Variants in ARNT observed in about 807,000 individuals in gnomAD.
ARNT encodes the protein aryl hydrocarbon receptor nuclear translocator, also known as class E basic helix-loop-helix protein 2.
Under a neutral mutation model 105.0 loss-of-function variants are expected in ARNT, and 30 were observed. The ratio of observed to expected loss-of-function variants is 0.29; its 90% confidence interval spans 0.21 to 0.39. ARNT has a LOEUF of 0.39. Ranked by LOEUF, ARNT falls within the 10% of genes least tolerant of loss-of-function variation. ARNT has a pLI of 1.00. For synonymous variants in ARNT, 304 were observed against 344.0 expected, an observed-to-expected ratio of 0.88 and a Z score of 1.29; for missense variants, 748 against 978.7, an observed-to-expected ratio of 0.76 and a Z score of 3.15.
At chr1:150,818,764 C>CAAAG (rs1489346249) in intron 14 of ARNT, among the ~76,000 whole-genome samples, 1 of 151,374 alleles carries the variant, frequency 6.6e-6, no homozygotes, top group African/African-American at 2.4e-5. Context: ...AACAAACAAA[C>CAAAG]AAACAAATCC....
At chr1:150,835,820 A>G (rs1430160476) in intron 7 of ARNT, among the ~76,000 whole-genome samples, 1 of 66,078 alleles carries the variant, frequency 1.5e-5, no homozygotes, top group Non-Finnish European at 3.5e-5. Flanking sequence ...AACAGTACAG[A>G]TACAAACAAC....
chr1:150,867,706 G>T (rs771356459), intron 1 of ARNT, among the ~76,000 whole-genome samples: 49 of 152,140 alleles, frequency 3.2e-4, no homozygotes, highest in Admixed American at 1.5e-3. Context: ...CAGTGTTGAA[G>T]GTGCAGTCTG....
intron 13 of ARNT, among the ~76,000 whole-genome samples, chr1:150,824,412 C>G (rs972395232): frequency 7.9e-5 from 12 of 151,030 alleles, no homozygotes; most frequent in Non-Finnish European, 8.9e-5. Context: ...CTCTTCAATC[C>G]TATTTTTTCC....
At chr1:150,851,137 C>G (rs1040334227) in intron 3 of ARNT, among the ~76,000 whole-genome samples, 4 of 151,322 alleles carry the variant, frequency 2.6e-5, no homozygotes, top group Admixed American at 2.6e-4. Context: ...GGCAGCCGCC[C>G]CGTCCGGGAG....
intron 20 of ARNT, among the ~76,000 whole-genome samples, chr1:150,813,634 G>GT (rs199531175): frequency 0.077 from 11,252 of 146,746 alleles, 558 homozygotes; most frequent in East Asian, 0.18. Context: ...CATGTGGGTA[G>GT]TTTTTTTTTT....
intron 1 of ARNT, among the ~76,000 whole-genome samples, chr1:150,867,889 C>T (rs999325916): frequency 2.7e-4 from 41 of 152,240 alleles, no homozygotes; most frequent in African/African-American, 9.9e-4. Flanking sequence ...TCCCCTTCGC[C>T]TTCCGCCATG....
At chr1:150,836,178 G>T in intron 7 of ARNT, 102 bp downstream of exon 7, 1 of 1,114,590 alleles carries the variant, frequency 9.0e-7, no homozygotes, top group South Asian at 1.6e-5. Context: ...TTGAAGCCTT[G>T]CCAGAGTCAA....
intron 5 of ARNT, among the ~76,000 whole-genome samples, chr1:150,842,040 G>C (rs1239060958): frequency 6.6e-6 from 1 of 152,074 alleles, no homozygotes; most frequent in African/African-American, 2.4e-5. Context: ...TAAATACTGG[G>C]AACTAATCAC....
At position 150,840,076 on chromosome 1, in the gene ARNT, A is replaced by G. The variant is rs139425695; in HGVS notation, c.273-422T>C. Among the ~76,000 whole-genome samples the G allele has an allele frequency of 3.3e-3, 503 of 152,196 alleles. 19 individuals are homozygous for G. The East Asian group carries it at 0.067, about 20-fold the overall frequency. The stretch of plus-strand genomic sequence containing the variant: ...GCCAACATGGTGAAATCCTGTCTCT[A>G]CTAAAAATACAAAAATTAGCAGGGC... On this transcript the variant is annotated intron_variant, in intron 5 of 21. Coordinates refer to ENST00000358595, the MANE Select transcript of ARNT (RefSeq NM_001668.4).
At chr1:150,822,032 T>C (rs1657209938) in intron 14 of ARNT, among the ~76,000 whole-genome samples, 1 of 151,974 alleles carries the variant, frequency 6.6e-6, no homozygotes, top group Non-Finnish European at 1.5e-5. Flanking sequence ...ATATGTTGTA[T>C]GGTAGTAAAT....
Position 150,813,674 on chromosome 1 carries a change from C to T in ARNT, c.2114-336G>A, listed in dbSNP as rs587742813. On this transcript the variant is annotated intron_variant, in intron 20 of 21. Transcript: ENST00000358595. ...TTTTTATTTTTTTGAGACGGAGTTT[C>T]ACTCTTGTTGCCCAGGCTGGAGTGC... is the stretch of plus-strand genomic sequence containing the variant. 1.3e-3 allele frequency among the ~76,000 whole-genome samples: 190 copies of T among 150,244 alleles called. 1 individual carries two copies. Among genetic ancestry groups the T allele is most frequent in the African/African-American group, 4.1e-3 (168 of 40,862 alleles).
intron 8 of ARNT, among the ~76,000 whole-genome samples, chr1:150,833,581 C>T (rs779512214): frequency 6.6e-6 from 1 of 152,136 alleles, no homozygotes; most frequent in Non-Finnish European, 1.5e-5. Flanking sequence ...TAATATCCTA[C>T]CCATAATTTC....
chr1:150,844,143 T>A (rs1019561756), intron 4 of ARNT, among the ~76,000 whole-genome samples: 7 of 152,228 alleles, frequency 4.6e-5, no homozygotes, highest in African/African-American at 7.2e-5. Context: ...ATATCTATGA[T>A]TAACTTCTCA....
At chr1:150,840,942 CTTCTTTTTTTTT>C (rs1316331890) in intron 5 of ARNT, among the ~76,000 whole-genome samples, 2 of 126,632 alleles carry the variant, frequency 1.6e-5, no homozygotes, top group Admixed American at 1.8e-4. Flanking sequence ...TATCTCTCTT[CTTCTTTTTTTTT>C]TTTTTTTTTT....
At chr1:150,815,561 A>G (rs1033820729) in intron 19 of ARNT, among the ~76,000 whole-genome samples, 11 of 133,946 alleles carry the variant, frequency 8.2e-5, no homozygotes, top group African/African-American at 3.1e-4. Context: ...AAGAAAAAAA[A>G]AAAAAAAGAA....
At chr1:150,861,302 G>T (rs1473856993) in intron 1 of ARNT, 2 of 423,444 alleles carry the variant, frequency 4.7e-6, no homozygotes, top group East Asian at 1.6e-4. Flanking sequence ...CCAAGATCAG[G>T]CTGGGAAACA....
In ARNT at chr1:150,829,135, A is replaced by G. The variant is rs147170059; in HGVS notation, c.1125T>C (p.Phe375=). The change falls in exon 12 of 22, where the codon TTT becomes TTC. Residue 375 remains phenylalanine (F), a synonymous_variant. Transcript: ENST00000358595. The part of the protein sequence containing the change: ...SRHNIEGIFT[F]VDHRCVATVG... ...CAGTAGCCACACAGCGGTGATCCAC[A>G]AAAGTGAAGATACCCTCAATGTTGT... The G allele has an allele frequency of 5.5e-5, 89 of 1,614,088 alleles. No homozygotes were observed. The highest frequency in any genetic ancestry group is 7.4e-5 in the Non-Finnish European group (87 of 1,180,036).
intron 3 of ARNT, among the ~76,000 whole-genome samples, chr1:150,850,404 G>A (rs1184015577): frequency 6.6e-6 from 1 of 152,190 alleles, no homozygotes; most frequent in East Asian, 1.9e-4. Flanking sequence ...GCCTCAGCCT[G>A]CCGAGTGCCT....
intron 1 of ARNT, among the ~76,000 whole-genome samples, chr1:150,872,669 T>C (rs1667635979): frequency 6.6e-6 from 1 of 152,184 alleles, no homozygotes; most frequent in Admixed American, 6.5e-5. Flanking sequence ...ATTTAAAAAG[T>C]GTTCCACCTT....
Sources: allele counts gnomAD v4.1 joint callset (sites outside exome capture counted in the v4.1 genomes callset), GRCh38; gene constraint gnomAD v4.1.1; transcripts MANE v1.5; gene names NCBI Gene and HGNC (gene_info 2026-07-23, HGNC 2026-07-21).